ASAP1: variants seen among roughly 807,000 people sequenced by gnomAD.
ASAP1 encodes ArfGAP with SH3 domain, ankyrin repeat and PH domain 1, also known as arf-GAP with SH3 domain, ANK repeat and PH domain-containing protein 1.
ASAP1 carries 43 observed loss-of-function variants against 145.2 expected under a neutral mutation model. The ratio of observed to expected loss-of-function variants is 0.30; its 90% CI spans 0.23 to 0.38. ASAP1 has a LOEUF of 0.38. ASAP1 is among the 10% of genes least tolerant of loss of function. The pLI is 1.00. For missense variants in ASAP1, 1,018 were observed against 1,355.3 expected (o/e 0.75, Z 3.91); for synonymous variants, 546 against 515.5 (o/e 1.06, Z -0.80).
chr8:130,105,261 A>G (rs964398071), intron 24 of ASAP1, among the ~76,000 whole-genome samples: 1 of 152,216 alleles, frequency 6.6e-6, no homozygotes, highest in Non-Finnish European at 1.5e-5. Flanking sequence ...AACCATTTAC[A>G]TAGCATTTAC....
chr8:130,188,228 C>A, intron 5 of ASAP1, 45 bp from the exon 6 acceptor site: 1 of 1,468,792 alleles, frequency 6.8e-7, no homozygotes, highest in Non-Finnish European at 9.5e-7. Context: ...AAAATAAAGT[C>A]CACATGAACA....
intron 3 of ASAP1, among the ~76,000 whole-genome samples, chr8:130,293,655 T>C (rs1367646940): frequency 6.6e-6 from 1 of 152,026 alleles, no homozygotes; most frequent in Admixed American, 6.6e-5. Flanking sequence ...TTGCACACTA[T>C]AGCCTCAAGG....
chr8:130,385,373 C>T (rs1214264618), intron 2 of ASAP1, among the ~76,000 whole-genome samples: 1 of 152,182 alleles, frequency 6.6e-6, no homozygotes, highest in Non-Finnish European at 1.5e-5. Context: ...TCCCTCAGCC[C>T]CAGAGTTGGT....
Position 130,167,553 on chromosome 8 carries a change from G to A in ASAP1, c.892C>T (p.Gln298Ter). 1 of 1,613,620 alleles carries A rather than the reference G, an allele frequency of 6.2e-7. No individual in the cohort carries two copies. Among genetic ancestry groups the A allele is most frequent in the Non-Finnish European group, 8.5e-7 (1 of 1,179,644 alleles). The change falls in exon 11 of 30, where the codon CAA becomes TAA. Residue 298 changes from glutamine (Q) to a stop codon, truncating the protein, a stop_gained. Coordinates refer to ENST00000518721, the MANE Select transcript of ASAP1 (RefSeq NM_018482.4). LOFTEE classifies it high-confidence loss of function. ...ALRDLIKSSL[Q>*]LDQKEDSQSR... Reference sequence around the variant, plus strand: ...CCACTTACTTCTTTCTGATCCAGTTGAAGAGAGGATTTTATTAAGTCTCGG... The same window carrying A: ...CCACTTACTTCTTTCTGATCCAGTTAAAGAGAGGATTTTATTAAGTCTCGG...
intron 2 of ASAP1, among the ~76,000 whole-genome samples, chr8:130,375,297 G>A (rs1170432543): frequency 1.3e-5 from 2 of 152,130 alleles, no homozygotes; most frequent in East Asian, 3.9e-4. Flanking sequence ...CTGCAGGAAT[G>A]GGCCATGGAG....
chr8:130,101,732 A>ATT lies in ASAP1; in HGVS notation c.2402-9591_2402-9590dup, dbSNP rs59778799. ...AGGCATGTGCTACCACACCTGGTTAATTTTTTTTTTTTTTTTTTTTGCAGA... is the reference window on the plus strand; with the variant it reads ...AGGCATGTGCTACCACACCTGGTTAATTTTTTTTTTTTTTTTTTTTTTGCAGA... On this transcript the variant is annotated intron_variant, in intron 24 of 29. Transcript: ENST00000518721. Among the ~76,000 whole-genome samples, 141 of 86,922 alleles carry ATT rather than the reference A, an allele frequency of 1.6e-3. 11 individuals are homozygous for ATT. Among genetic ancestry groups the ATT allele is most frequent in the African/African-American group, 6.9e-3 (125 of 18,088 alleles). The allele number at this position is 86,922 out of a possible 152,430, so 57.0% of individuals were successfully genotyped here.
At chr8:130,101,737 T>TTTTTTTTG (rs2097529224) in intron 24 of ASAP1, among the ~76,000 whole-genome samples, 1 of 122,702 alleles carries the variant, frequency 8.1e-6, no homozygotes, top group Non-Finnish European at 1.8e-5. Flanking sequence ...GGTTAATTTT[T>TTTTTTTTG]TTTTTTTTTT....
chr8:130,133,684 CAA>C (rs1421212614), intron 15 of ASAP1, among the ~76,000 whole-genome samples: 1 of 147,612 alleles, frequency 6.8e-6, no homozygotes, highest in Non-Finnish European at 1.5e-5. Flanking sequence ...AACAAACAAA[CAA>C]ACAAAAAAAA....
At chr8:130,365,953 T>A (rs1030062776) in intron 2 of ASAP1, among the ~76,000 whole-genome samples, 1 of 152,060 alleles carries the variant, frequency 6.6e-6, no homozygotes, top group African/African-American at 2.4e-5. Flanking sequence ...TACATCACTA[T>A]AAGCCATAAG....
At chr8:130,230,429 T>A (rs1466459086) in intron 4 of ASAP1, among the ~76,000 whole-genome samples, 1 of 152,188 alleles carries the variant, frequency 6.6e-6, no homozygotes, top group Non-Finnish European at 1.5e-5. Context: ...TAAACAGCAT[T>A]CTTTTGAATC....
At chr8:130,341,288 A>C (rs1429573934) in intron 3 of ASAP1, among the ~76,000 whole-genome samples, 1 of 152,004 alleles carries the variant, frequency 6.6e-6, no homozygotes, top group Non-Finnish European at 1.5e-5. Flanking sequence ...CCTATCCATG[A>C]CTCACTTTGT....
intron 5 of ASAP1, among the ~76,000 whole-genome samples, chr8:130,188,723 C>CA (rs370580190): frequency 0.022 from 1,836 of 83,698 alleles, 81 homozygotes; most frequent in African/African-American, 0.051. Context: ...GAGACTCTCT[C>CA]AAAAAAAAAA....
chr8:130,328,923 G>A (rs1824510861), intron 3 of ASAP1, among the ~76,000 whole-genome samples: 2 of 152,108 alleles, frequency 1.3e-5, no homozygotes, highest in South Asian at 4.1e-4. Context: ...GGTCTGTATA[G>A]ATTTTTATGG....
chr8:130,200,618 A>C (rs1230990011), intron 5 of ASAP1, among the ~76,000 whole-genome samples: 1 of 152,190 alleles, frequency 6.6e-6, no homozygotes, highest in African/African-American at 2.4e-5. Flanking sequence ...TTAGAAAGAC[A>C]GAGGGTGTAC....
intron 1 of ASAP1, among the ~76,000 whole-genome samples, chr8:130,428,471 ACCACCACCACCAT>A (rs1830016692): frequency 6.7e-6 from 1 of 149,348 alleles, no homozygotes. Flanking sequence ...CATCATCACC[ACCACCACCACCAT>A]CTTCATCACC....
intron 2 of ASAP1, chr8:130,361,891 T>C: frequency 2.8e-6 from 2 of 716,616 alleles, no homozygotes; most frequent in Non-Finnish European, 5.0e-6. Context: ...ACACACATAT[T>C]TGTGTGCACC....
rs777134205 is a variant in ASAP1, at chr8:130,167,576, C to T, written c.869G>A (p.Arg290Gln). 5.6e-6 allele frequency: 9 copies of T among 1,613,624 alleles called. No homozygotes were observed. Among genetic ancestry groups the T allele is most frequent in the Admixed American group, 3.3e-5 (2 of 59,994 alleles). Residue 290 changes from arginine to glutamine, a missense_variant, in exon 11 of 30, where the codon CGA becomes CAA. Arg to Gln is a conservative substitution (Grantham distance 43). This residue lies in a region of ASAP1 where 62 missense variants were observed against 68.5 expected (regional missense o/e 0.90). Coordinates refer to ENST00000518721, the MANE Select transcript of ASAP1 (RefSeq NM_018482.4). ...DEEKKQLTAL[R>Q]DLIKSSLQLD... ...TTGAAGAGAGGATTTTATTAAGTCT[C>T]GGAGTGCAGTTAGCTGTTTCTTTTC...
intron 13 of ASAP1, among the ~76,000 whole-genome samples, chr8:130,143,280 T>C (rs1472273620): frequency 2.6e-5 from 4 of 152,126 alleles, no homozygotes; most frequent in African/African-American, 7.2e-5. Flanking sequence ...TAAAACACAT[T>C]CATAGAAGAA....
chr8:130,433,300 G>A (rs1290528727), intron 1 of ASAP1, among the ~76,000 whole-genome samples: 1 of 152,172 alleles, frequency 6.6e-6, no homozygotes, highest in Non-Finnish European at 1.5e-5. Context: ...AAAATAGCCA[G>A]CACATTCCTA....
Sources: allele counts gnomAD v4.1 joint callset (sites outside exome capture counted in the v4.1 genomes callset), GRCh38; gene constraint gnomAD v4.1.1; regional missense constraint gnomAD v4.1.1; transcripts MANE v1.5; gene names NCBI Gene and HGNC (gene_info 2026-07-23, HGNC 2026-07-21).